The following ZNF420 variants were observed in gnomAD, a reference collection of about 807,000 sequenced individuals.
The protein encoded by ZNF420 is ATM and p53-associated KZNF protein.
In ZNF420, 31 loss-of-function variants were observed where a neutral mutation model predicts 44.7. That is an observed-to-expected ratio of 0.69 (90% CI 0.52 to 0.94). The LOEUF is 0.94. Among genes scored for constraint, ZNF420 ranks in the 40% least tolerant of loss-of-function variants. The pLI is 0.00. For synonymous variants in ZNF420, 245 were observed against 267.4 expected (o/e 0.92, Z 0.82); for missense variants, 681 against 827.9 (o/e 0.82, Z 2.18).
At chr19:37,008,094 CA>C in intron 1 of ZNF420, 2 of 271,992 alleles carry the variant, frequency 7.4e-6, no homozygotes, top group African/African-American at 2.3e-5. Context: ...TGAGTCTCCC[CA>C]AAAGTCGTGC....
At chr19:37,052,167 A>T (rs1967650627) in intron 1 of ZNF420, among the ~76,000 whole-genome samples, 2 of 152,010 alleles carry the variant, frequency 1.3e-5, no homozygotes, top group Non-Finnish European at 2.9e-5. Flanking sequence ...CTGTTTTATC[A>T]GAGACTAGGA....
Position 37,115,787 on chromosome 19 carries a change from C to T in ZNF420, c.137-11341C>T, listed in dbSNP as rs116509077. Among the ~76,000 whole-genome samples, 997 of 152,050 alleles carry T rather than the reference C, an allele frequency of 6.6e-3. 12 individuals carry two copies. Among genetic ancestry groups the T allele is most frequent in the African/African-American group, 0.023 (950 of 41,486 alleles). Reference sequence around the variant, plus strand: ...GGGGCGGTCAGGTTTTCCCTTCCCACGAGGCCATATCTCAGGCTATCACAT... The same window carrying T: ...GGGGCGGTCAGGTTTTCCCTTCCCATGAGGCCATATCTCAGGCTATCACAT... On this transcript the variant is annotated intron_variant, in intron 4 of 4. Coordinates refer to ENST00000337995, the MANE Select transcript of ZNF420 (RefSeq NM_144689.5).
intron 4 of ZNF420, among the ~76,000 whole-genome samples, chr19:37,104,110 C>A (rs1340423603): frequency 6.6e-6 from 1 of 151,854 alleles, no homozygotes; most frequent in African/African-American, 2.4e-5. Flanking sequence ...AGGTATATCT[C>A]CTAATGCTAT....
At chr19:37,112,578 G>C (rs1051215131) in intron 4 of ZNF420, among the ~76,000 whole-genome samples, 2 of 152,226 alleles carry the variant, frequency 1.3e-5, no homozygotes, top group Admixed American at 1.3e-4. Context: ...TGTTTTCCTT[G>C]AATAATGGCC....
intron 4 of ZNF420, among the ~76,000 whole-genome samples, chr19:37,095,437 G>A (rs1969386381): frequency 6.6e-6 from 1 of 151,860 alleles, no homozygotes; most frequent in Admixed American, 6.6e-5. Context: ...TACAAAATGG[G>A]CATTATTTTT....
At chr19:37,105,774 G>A (rs1259679764) in intron 4 of ZNF420, among the ~76,000 whole-genome samples, 2 of 152,126 alleles carry the variant, frequency 1.3e-5, no homozygotes, top group Non-Finnish European at 2.9e-5. Context: ...TGGATTCCTA[G>A]GTATTTTATT....
At chr19:37,056,869 C>A (rs971683688) in intron 1 of ZNF420, among the ~76,000 whole-genome samples, 1 of 152,262 alleles carries the variant, frequency 6.6e-6, no homozygotes, top group Admixed American at 6.5e-5. Context: ...CCCACGTCGC[C>A]GCCTACCGGA....
chr19:37,037,024 T>C (rs1967367602), intron 1 of ZNF420, among the ~76,000 whole-genome samples: 1 of 152,168 alleles, frequency 6.6e-6, no homozygotes. Flanking sequence ...TCATCGTAGG[T>C]AGCCCTGTCC....
chr19:37,085,936 T>TTTATTATTATTATTA (rs34624393), intron 2 of ZNF420, among the ~76,000 whole-genome samples: 3 of 137,758 alleles, frequency 2.2e-5, no homozygotes, highest in African/African-American at 5.4e-5. Context: ...TGGCTGATGT[T>TTTATTATTATTATTA]TTATTATTAT....
At chr19:37,018,790 G>A (rs769507785) in intron 1 of ZNF420, among the ~76,000 whole-genome samples, 68 of 152,116 alleles carry the variant, frequency 4.5e-4, no homozygotes, top group Non-Finnish European at 9.3e-4. Context: ...GGCTGGTCTC[G>A]AACTCCTGGC....
chr19:37,115,290 A>T (rs1482017835), intron 4 of ZNF420: 1 of 153,308 alleles, frequency 6.5e-6, no homozygotes, highest in Admixed American at 6.5e-5. Context: ...AACAAAGTAT[A>T]GAGAAAGAAA....
At chr19:37,060,404 A>C (rs1342931975) in intron 1 of ZNF420, among the ~76,000 whole-genome samples, 2 of 152,082 alleles carry the variant, frequency 1.3e-5, no homozygotes, top group African/African-American at 2.4e-5. Context: ...TCCTCCCCTC[A>C]GCCCGTGGCG....
At chr19:37,126,091 C>A (rs1971331983) in intron 4 of ZNF420, among the ~76,000 whole-genome samples, 1 of 151,790 alleles carries the variant, frequency 6.6e-6, no homozygotes. Flanking sequence ...CAATTTTTAG[C>A]CACCCACTCT....
intron 1 of ZNF420, among the ~76,000 whole-genome samples, chr19:37,048,742 G>C (rs1967586481): frequency 6.6e-6 from 1 of 151,724 alleles, no homozygotes; most frequent in African/African-American, 2.4e-5. Flanking sequence ...TATACTTTAA[G>C]TTTTAGGATA....
At chr19:37,100,912 T>G (rs141008633) in intron 4 of ZNF420, among the ~76,000 whole-genome samples, 82 of 152,282 alleles carry the variant, frequency 5.4e-4, no homozygotes, top group African/African-American at 1.6e-3. Flanking sequence ...ATATTTCCAC[T>G]TATTAGTTTC....
At chr19:37,098,749 G>A (rs1037386536) in intron 4 of ZNF420, among the ~76,000 whole-genome samples, 4 of 152,098 alleles carry the variant, frequency 2.6e-5, no homozygotes, top group Admixed American at 2.6e-4. Flanking sequence ...CATTTTTGTT[G>A]ACTATATAGT....
intron 1 of ZNF420, among the ~76,000 whole-genome samples, chr19:37,022,938 C>T: frequency 6.6e-6 from 1 of 152,110 alleles, no homozygotes; most frequent in East Asian, 1.9e-4. Context: ...GCGTTCGAGA[C>T]AAGCCTGACC....
intron 1 of ZNF420, among the ~76,000 whole-genome samples, chr19:37,064,847 C>A (rs1315212826): frequency 6.6e-6 from 1 of 152,144 alleles, no homozygotes; most frequent in Non-Finnish European, 1.5e-5. Flanking sequence ...AGACCCAACA[C>A]CAGGTCGTGG....
Position 37,127,692 on chromosome 19 carries a change from G to A in ZNF420, c.701G>A (p.Arg234His), listed in dbSNP as rs769808176. 3.6e-5 allele frequency: 58 copies of A among 1,613,570 alleles called. 1 individual carries two copies. The Middle Eastern group carries it at 1.8e-3, about 50-fold the overall frequency. ...GAAGAATGTGGGAAAGCCTTTATTC[G>A]TAGCTCACAACTTACCCGACATCAA... ...KCEECGKAFI[R>H]SSQLTRHQKV... The change falls in exon 5 of 5, where the codon CGT becomes CAT. Residue 234 changes from arginine (R) to histidine (H), a missense_variant. Coordinates refer to ENST00000337995, the MANE Select transcript of ZNF420 (RefSeq NM_144689.5).
Sources: gnomAD v4.1 joint callset for allele counts (sites outside exome capture counted in the v4.1 genomes callset) on GRCh38, gnomAD v4.1.1 for gene constraint, MANE v1.5 for transcripts, NCBI Gene and HGNC (gene_info 2026-07-23, HGNC 2026-07-21) for gene names.